The following NIM1K variants were observed in gnomAD, a reference collection of about 807,000 sequenced individuals.
NIM1K encodes the protein serine/threonine-protein kinase NIM1.
In NIM1K, 35 loss-of-function variants were observed where a neutral mutation model predicts 37.1. The ratio of observed to expected loss-of-function variants is 0.94; its 90% CI spans 0.72 to 1.25. The LOEUF is 1.25. NIM1K is among the 50% of genes most tolerant of loss of function. The pLI, the probability that NIM1K is intolerant of heterozygous loss-of-function variation, is 0.00. For missense variants in NIM1K, 564 were observed against 548.0 expected, an observed-to-expected ratio of 1.03 and a Z score of -0.29; for synonymous variants, 234 against 206.6, an observed-to-expected ratio of 1.13 and a Z score of -1.14.
intron 1 of NIM1K, among the ~76,000 whole-genome samples, chr5:43,201,614 AT>A (rs34838396): frequency 0.061 from 9,256 of 151,260 alleles, 385 homozygotes; most frequent in East Asian, 0.21. Flanking sequence ...AGCCAAATAT[AT>A]TTTTTTTTGC....
chr5:43,201,969 C>T (rs1752027618), intron 1 of NIM1K, among the ~76,000 whole-genome samples: 1 of 145,830 alleles, frequency 6.9e-6, no homozygotes, highest in Admixed American at 6.8e-5. Flanking sequence ...GCGAGACTCC[C>T]TCTCAAAAAA....
At chr5:43,218,144 G>T (rs1752329737) in intron 1 of NIM1K, among the ~76,000 whole-genome samples, 2 of 152,026 alleles carry the variant, frequency 1.3e-5, no homozygotes, top group South Asian at 2.1e-4. Flanking sequence ...CTGAGTAGCT[G>T]GGATTGTAGG....
intron 2 of NIM1K, among the ~76,000 whole-genome samples, chr5:43,260,193 C>G (rs998594488): frequency 6.6e-6 from 1 of 152,136 alleles, no homozygotes. Flanking sequence ...TTGACTTTCC[C>G]TTTTCCACTT....
chr5:43,246,203 C>A (rs1292940766), intron 2 of NIM1K, 136 bp downstream of exon 2: 4 of 645,736 alleles, frequency 6.2e-6, no homozygotes, highest in Non-Finnish European at 7.7e-6. Context: ...CCTGTGCCAG[C>A]CGCCTTCTGT....
chr5:43,198,187 CTTT>C (rs1751952284), intron 1 of NIM1K, among the ~76,000 whole-genome samples: 1 of 65,596 alleles, frequency 1.5e-5, no homozygotes, highest in Non-Finnish European at 3.0e-5. Flanking sequence ...TTCTTTCTTT[CTTT>C]CTTTCTTTCT....
At chr5:43,264,967 A>T (rs1467344316) in intron 2 of NIM1K, among the ~76,000 whole-genome samples, 1 of 152,190 alleles carries the variant, frequency 6.6e-6, no homozygotes, top group African/African-American at 2.4e-5. Flanking sequence ...TCTGGCTTGT[A>T]GAGTTTCTGC....
intron 1 of NIM1K, among the ~76,000 whole-genome samples, chr5:43,220,040 T>C (rs1752359494): frequency 6.6e-6 from 1 of 152,184 alleles, no homozygotes; most frequent in Non-Finnish European, 1.5e-5. Context: ...TGTCCTTTGA[T>C]GCATACGATT....
At chr5:43,216,598 G>T (rs1045619666) in intron 1 of NIM1K, among the ~76,000 whole-genome samples, 1 of 152,220 alleles carries the variant, frequency 6.6e-6, no homozygotes, top group Non-Finnish European at 1.5e-5. Context: ...TAAACTTTTT[G>T]TCCTTTGTCT....
At chr5:43,255,351 T>C (rs1561088724) in intron 2 of NIM1K, among the ~76,000 whole-genome samples, 2 of 152,198 alleles carry the variant, frequency 1.3e-5, no homozygotes, top group Admixed American at 6.5e-5. Flanking sequence ...GTGAACAAAA[T>C]AGACAGCAAT....
intron 1 of NIM1K, among the ~76,000 whole-genome samples, chr5:43,195,662 A>C (rs1416944327): frequency 8.1e-4 from 2 of 2,456 alleles, no homozygotes; most frequent in Non-Finnish European, 1.0e-3. Flanking sequence ...CTCTGAATCC[A>C]AAAAAAAAAA....
At chr5:43,233,220 A>G in intron 1 of NIM1K, 1 of 897,354 alleles carries the variant, frequency 1.1e-6, no homozygotes. Context: ...ACAAGGAGAG[A>G]TTGTTGCTTC....
chr5:43,226,974 A>G (rs1031617742), intron 1 of NIM1K, among the ~76,000 whole-genome samples: 3 of 152,156 alleles, frequency 2.0e-5, no homozygotes, highest in Admixed American at 6.5e-5. Flanking sequence ...ACTTGGACAG[A>G]GTGGAAAAGG....
At chr5:43,202,598 G>C (rs1334805380) in intron 1 of NIM1K, among the ~76,000 whole-genome samples, 1 of 152,186 alleles carries the variant, frequency 6.6e-6, no homozygotes, top group Admixed American at 6.5e-5. Flanking sequence ...AGTCGGCTTG[G>C]AGCCTCAGGT....
intron 2 of NIM1K, among the ~76,000 whole-genome samples, chr5:43,268,606 G>A (rs1579610711): frequency 6.6e-6 from 1 of 152,154 alleles, no homozygotes; most frequent in South Asian, 2.1e-4. Context: ...TTCTACAATA[G>A]TGATGTTATC....
At chr5:43,234,800 AATTTTTGT>A (rs1283579386) in intron 1 of NIM1K, among the ~76,000 whole-genome samples, 1 of 151,814 alleles carries the variant, frequency 6.6e-6, no homozygotes, top group Non-Finnish European at 1.5e-5. Flanking sequence ...ACACCCAGGT[AATTTTTGT>A]ATTTTTGGTA....
intron 1 of NIM1K, among the ~76,000 whole-genome samples, chr5:43,213,165 T>TTTTCTTTCTTTCTTTC (rs70994607): frequency 1.5e-3 from 59 of 39,126 alleles, no homozygotes; most frequent in African/African-American, 2.2e-3. Context: ...TTCTTTCTTT[T>TTTTCTTTCTTTCTTTC]TTTCTTTCTT....
chr5:43,227,981 T>G (rs1752484005), intron 1 of NIM1K, among the ~76,000 whole-genome samples: 3 of 152,142 alleles, frequency 2.0e-5, no homozygotes, highest in Admixed American at 6.5e-5. Context: ...AGACATTTCG[T>G]GGGAAAGCTG....
intron 2 of NIM1K, among the ~76,000 whole-genome samples, chr5:43,263,119 C>A (rs897290097): frequency 1.3e-5 from 2 of 152,144 alleles, no homozygotes; most frequent in African/African-American, 4.8e-5. Flanking sequence ...ATGTTGCTGG[C>A]CTCATAAAAT....
At chr5:43,279,033 A>T (rs1225788755) in intron 3 of NIM1K, among the ~76,000 whole-genome samples, 5 of 152,232 alleles carry the variant, frequency 3.3e-5, no homozygotes, top group Admixed American at 3.3e-4. Context: ...GGAGAACAGA[A>T]GAGAATCCAG....
Sources: allele counts gnomAD v4.1 joint callset (sites outside exome capture counted in the v4.1 genomes callset), GRCh38; gene constraint gnomAD v4.1.1; transcripts MANE v1.5; gene names NCBI Gene and HGNC (gene_info 2026-07-23, HGNC 2026-07-21).